PCDH7: variants seen among roughly 807,000 people sequenced by gnomAD.
PCDH7 encodes the protein protocadherin-7.
In PCDH7, 17 loss-of-function variants were observed where a neutral mutation model predicts 58.9. The observed-to-expected ratio is 0.29, with a 90% CI of 0.20 to 0.43. The LOEUF is 0.43. Among genes scored for constraint, PCDH7 ranks in the 20% least tolerant of loss-of-function variants. PCDH7 has a pLI of 1.00. For synonymous variants in PCDH7, 664 were observed against 616.4 expected (o/e 1.08, Z -1.14); for missense variants, 1,274 against 1,441.0 (o/e 0.88, Z 1.88).
intron 3 of PCDH7, among the ~76,000 whole-genome samples, chr4:31,078,403 C>T (rs140731113): frequency 6.6e-6 from 1 of 152,196 alleles, no homozygotes; most frequent in Admixed American, 6.5e-5. Context: ...CCACTTCAGC[C>T]TCCCAAGTAG....
intron 1 of PCDH7, among the ~76,000 whole-genome samples, chr4:30,757,981 A>G (rs917702803): frequency 6.6e-6 from 1 of 152,184 alleles, no homozygotes; most frequent in Non-Finnish European, 1.5e-5. Context: ...CACTGCTATC[A>G]CGGGGAGCTT....
chr4:30,726,832 A>T (rs1714678846), intron 1 of PCDH7, among the ~76,000 whole-genome samples: 1 of 151,966 alleles, frequency 6.6e-6, no homozygotes, highest in East Asian at 1.9e-4. Context: ...CATCTCCTCA[A>T]TATTGCTGTC....
intron 3 of PCDH7, among the ~76,000 whole-genome samples, chr4:31,140,470 A>G (rs1720111532): frequency 6.6e-6 from 1 of 151,924 alleles, no homozygotes; most frequent in African/African-American, 2.4e-5. Context: ...ATTCACTATC[A>G]TAAGAAAAGA....
intron 3 of PCDH7, among the ~76,000 whole-genome samples, chr4:30,990,819 A>T (rs1455989432): frequency 6.6e-6 from 1 of 152,154 alleles, no homozygotes; most frequent in East Asian, 1.9e-4. Flanking sequence ...CCAAATTACC[A>T]TCTTGCTCAA....
chr4:30,824,802 T>C (rs1049222115), intron 1 of PCDH7, among the ~76,000 whole-genome samples: 5 of 152,120 alleles, frequency 3.3e-5, no homozygotes, highest in African/African-American at 1.2e-4. Context: ...GCTTCGACTT[T>C]GTAGGAAATA....
In PCDH7 at chr4:31,129,820, G is replaced by T. The variant is rs574489751; in HGVS notation, c.*8-12653G>T. Among the ~76,000 whole-genome samples the T allele has an allele frequency of 4.3e-3, 659 of 151,978 alleles. 5 individuals carry two copies. Among genetic ancestry groups the T allele is most frequent in the Non-Finnish European group, 7.2e-3 (488 of 67,978 alleles). On this transcript the variant is annotated intron_variant, in intron 3 of 3. Coordinates refer to the PCDH7 transcript ENST00000509759. The stretch of plus-strand genomic sequence containing the variant: ...AATTTTGTATTTTAGTAGAGACAGG[G>T]TTTCATTATGTTGGCCAGGCTGGTC...
At chr4:30,857,483 C>A (rs1190194317) in intron 1 of PCDH7, among the ~76,000 whole-genome samples, 1 of 152,062 alleles carries the variant, frequency 6.6e-6, no homozygotes, top group East Asian at 1.9e-4. Context: ...TGTCTGTCTG[C>A]AGAACTTCCT....
At chr4:30,968,334 C>T (rs80065949) in intron 3 of PCDH7, among the ~76,000 whole-genome samples, 5 of 90,416 alleles carry the variant, frequency 5.5e-5, no homozygotes, top group East Asian at 5.9e-4. Context: ...TATATATATA[C>T]ACACACTATA....
chr4:31,045,439 G>A (rs1400558607), intron 3 of PCDH7, among the ~76,000 whole-genome samples: 5 of 151,902 alleles, frequency 3.3e-5, no homozygotes, highest in African/African-American at 1.2e-4. Context: ...GAACATAAAG[G>A]TTCTAGACCA....
At chr4:31,031,269 A>G (rs2109186625) in intron 3 of PCDH7, among the ~76,000 whole-genome samples, 1 of 152,340 alleles carries the variant, frequency 6.6e-6, no homozygotes, top group African/African-American at 2.4e-5. Context: ...TTTGTTTGTC[A>G]CAACAACGGG....
At chr4:30,906,658 C>T (rs1171408282) in intron 1 of PCDH7, among the ~76,000 whole-genome samples, 1 of 152,130 alleles carries the variant, frequency 6.6e-6, no homozygotes, top group Non-Finnish European at 1.5e-5. Context: ...CTACACTTTC[C>T]AGTAATTTGA....
intron 3 of PCDH7, among the ~76,000 whole-genome samples, chr4:31,126,373 T>C (rs1718308947): frequency 6.6e-6 from 1 of 152,120 alleles, no homozygotes; most frequent in Admixed American, 6.6e-5. Context: ...TTGGCCAGGC[T>C]GGTCTCGAAC....
intron 3 of PCDH7, among the ~76,000 whole-genome samples, chr4:31,111,370 C>T (rs1716294343): frequency 2.0e-5 from 3 of 150,920 alleles, no homozygotes; most frequent in Non-Finnish European, 2.9e-5. Context: ...TGCAATGGTG[C>T]CACCTCGGCT....
intron 3 of PCDH7, among the ~76,000 whole-genome samples, chr4:31,009,081 G>A (rs937535447): frequency 2.0e-5 from 3 of 152,020 alleles, no homozygotes; most frequent in African/African-American, 7.2e-5. Flanking sequence ...TAAGTGAAAG[G>A]CATTGAGAAT....
chr4:30,905,272 T>C (rs1578237083), intron 1 of PCDH7, among the ~76,000 whole-genome samples: 1 of 152,174 alleles, frequency 6.6e-6, no homozygotes, highest in Non-Finnish European at 1.5e-5. Context: ...TACATACTAC[T>C]GGAGTTCCAC....
At chr4:30,870,424 T>C (rs1030997359) in intron 1 of PCDH7, among the ~76,000 whole-genome samples, 5 of 152,070 alleles carry the variant, frequency 3.3e-5, no homozygotes, top group Admixed American at 6.6e-5. Flanking sequence ...TTAGGTCTTA[T>C]GTAAGTCTTT....
chr4:31,046,263 G>A lies in PCDH7; in HGVS notation c.*7+96048G>A, dbSNP rs73815168. 3.0e-3 allele frequency among the ~76,000 whole-genome samples: 449 copies of A among 151,956 alleles called. 2 individuals are homozygous for A. The highest frequency in any genetic ancestry group is 0.01 in the African/African-American group (430 of 41,492). ...TCTTATTAAAATATACTTTATGTAA[G>A]TTATCTTACTTTTCACCATATTTAT... On this transcript the variant is annotated intron_variant, in intron 3 of 3. Transcript: ENST00000509759.
chr4:30,933,584 T>G (rs374709980), intron 2 of PCDH7, among the ~76,000 whole-genome samples: 8 of 152,174 alleles, frequency 5.3e-5, no homozygotes, highest in African/African-American at 1.9e-4. Flanking sequence ...AATAATAGCT[T>G]TAGGCCTGCT....
chr4:30,968,376 CTATATATATATATATATATA>C (rs60085619), intron 3 of PCDH7, among the ~76,000 whole-genome samples: 5 of 67,056 alleles, frequency 7.5e-5, no homozygotes, highest in East Asian at 9.7e-4. Flanking sequence ...TATACACACA[CTATATATATATATATATATA>C]TATATATATA....
Sources: allele counts gnomAD v4.1 joint callset (sites outside exome capture counted in the v4.1 genomes callset), GRCh38; gene constraint gnomAD v4.1.1; transcripts MANE v1.5; gene names NCBI Gene and HGNC (gene_info 2026-07-23, HGNC 2026-07-21).